The following GPR183 variants were observed in gnomAD, a reference collection of about 807,000 sequenced individuals.
GPR183 encodes G protein-coupled receptor 183, also known as EBV-induced G-protein coupled receptor 2.
A neutral mutation model predicts 19.7 loss-of-function variants in GPR183; 9 were observed. The ratio of observed to expected loss-of-function variants is 0.46; its 90% confidence interval spans 0.28 to 0.80. GPR183 has a LOEUF of 0.80. GPR183 is among the 30% of genes least tolerant of loss of function. The probability of loss-of-function intolerance (pLI) is 0.13; values close to 1 mark genes in which losing one functional copy is unlikely to be tolerated. For synonymous variants in GPR183, 160 were observed against 155.1 expected, an observed-to-expected ratio of 1.03 and a Z score of -0.24; for missense variants, 368 against 446.7, an observed-to-expected ratio of 0.82 and a Z score of 1.59.
intron 1 of GPR183, among the ~76,000 whole-genome samples, chr13:99,298,796 G>A (rs976224315): frequency 6.6e-6 from 1 of 152,170 alleles, no homozygotes; most frequent in Non-Finnish European, 1.5e-5. Context: ...GTGAAAAGCA[G>A]CTTTTCAGGA....
At chr13:99,306,557 C>A (rs571886752) in intron 1 of GPR183, among the ~76,000 whole-genome samples, 1 of 152,254 alleles carries the variant, frequency 6.6e-6, no homozygotes, top group South Asian at 2.1e-4. Flanking sequence ...ATAAAACCCT[C>A]ACTGCCCTTT....
chr13:99,298,023 C>T (rs897751505), intron 1 of GPR183, among the ~76,000 whole-genome samples: 3 of 151,996 alleles, frequency 2.0e-5, no homozygotes, highest in African/African-American at 7.2e-5. Context: ...TTAAAAAGAA[C>T]AGTCTACAAA....
At position 99,294,881 on chromosome 13, in the gene GPR183, G is replaced by A. The variant is rs1226178920; in HGVS notation, c.*179C>T. 3 of 561,024 alleles carry A rather than the reference G, an allele frequency of 5.3e-6. No homozygotes were observed. The highest frequency in any genetic ancestry group is 3.8e-5 in the African/African-American group (2 of 52,454). 34.8% of individuals were successfully genotyped at this position (561,024 alleles called of 1,614,324 possible). A position where few individuals can be genotyped will look rare whatever the true frequency, so the allele number is the denominator to read the frequency against. On this transcript the variant is annotated 3_prime_UTR_variant, in exon 2 of 2. Coordinates refer to ENST00000376414, the MANE Select transcript of GPR183 (RefSeq NM_004951.5). Reference sequence around the variant, plus strand: ...TATTTGCATTTTTATTGTGCTTTATGTTGTTTGCTTTATGTTGTTCTCTTG... The same window carrying A: ...TATTTGCATTTTTATTGTGCTTTATATTGTTTGCTTTATGTTGTTCTCTTG...
chr13:99,305,572 T>C (rs997636331), intron 1 of GPR183, among the ~76,000 whole-genome samples: 21 of 152,202 alleles, frequency 1.4e-4, no homozygotes, highest in African/African-American at 5.1e-4. Context: ...ATCTAGTAAA[T>C]ATCTATAGAA....
At position 99,295,139 on chromosome 13, in the gene GPR183, T is replaced by C; in HGVS notation, c.1007A>G (p.Lys336Arg). ...ACGTGAATTTTCTTCAGGGGCTGAC[T>C]TCACAGCACTAGAAATCGATACACT... ...QVSVSISSAV[K>R]SAPEENSREM... Residue 336 changes from lysine (K) to arginine (R), a missense_variant, in exon 2 of 2, where the codon AAG becomes AGG. Transcript: ENST00000376414. The surrounding 1 kb of genome is among the most constrained non-coding windows in gnomAD (Gnocchi z 4.1). 1 of 1,614,160 alleles carries C rather than the reference T, an allele frequency of 6.2e-7. No individual in the cohort carries two copies. Among genetic ancestry groups the C allele is most frequent in the Non-Finnish European group, 8.5e-7 (1 of 1,180,006 alleles).
chr13:99,306,112 T>C lies in GPR183; in HGVS notation c.-19+1228A>G, dbSNP rs368965405. Among the ~76,000 whole-genome samples, 5 of 152,238 alleles carry C rather than the reference T, an allele frequency of 3.3e-5. No individual in the cohort carries two copies. In the South Asian group the frequency reaches 6.2e-4, roughly 19 times the overall value. ...GGTTTCACCATGTTGGCCAGGCTGG[T>C]CTCGAACTCCTGATCTCAGGTGATC... On this transcript the variant is annotated intron_variant, in intron 1 of 1. Coordinates refer to ENST00000376414, the MANE Select transcript of GPR183 (RefSeq NM_004951.5).
At chr13:99,298,925 A>T in intron 1 of GPR183, among the ~76,000 whole-genome samples, 1 of 152,176 alleles carries the variant, frequency 6.6e-6, no homozygotes. Context: ...TTTTTTTCTA[A>T]GTTCTTTGAA....
At chr13:99,301,058 A>G (rs2044250462) in intron 1 of GPR183, among the ~76,000 whole-genome samples, 1 of 152,240 alleles carries the variant, frequency 6.6e-6, no homozygotes, top group Non-Finnish European at 1.5e-5. Context: ...GCCCAAAGAA[A>G]TGTTAGTTCT....
chr13:99,299,427 T>C (rs1244029945), intron 1 of GPR183, among the ~76,000 whole-genome samples: 1 of 151,930 alleles, frequency 6.6e-6, no homozygotes, highest in Non-Finnish European at 1.5e-5. Context: ...CATGCCACTT[T>C]TTTGGGAGGT....
At chr13:99,298,537 A>G (rs944830373) in intron 1 of GPR183, among the ~76,000 whole-genome samples, 1 of 152,206 alleles carries the variant, frequency 6.6e-6, no homozygotes, top group Non-Finnish European at 1.5e-5. Flanking sequence ...TATTTAAAAA[A>G]GGAAAGATTT....
chr13:99,302,306 A>G (rs1388448903), intron 1 of GPR183, among the ~76,000 whole-genome samples: 1 of 152,222 alleles, frequency 6.6e-6, no homozygotes, highest in Non-Finnish European at 1.5e-5. Flanking sequence ...AAATAAAATC[A>G]TTGGAAAGGA....
Position 99,295,217 on chromosome 13 carries a change from A to C in GPR183, c.929T>G (p.Phe310Cys). ...NCCMDPFIYF[F>C]ACKGYKRKVM... ...CTTTCTCTTATACCCTTTACATGCA[A>C]AGAAGTAGATAAAAGGGTCCATGCA... is the stretch of plus-strand genomic sequence containing the variant. The change falls in exon 2 of 2, where the codon TTT becomes TGT. Residue 310 changes from phenylalanine (F) to cysteine (C), a missense_variant. Physicochemically the swap from Phe to Cys is radical, Grantham distance 205. Transcript: ENST00000376414. This position sits in a 1 kb window ranked among gnomAD's most constrained non-coding sequence, Gnocchi z 4.1. 2 of 1,614,134 alleles carry C rather than the reference A, an allele frequency of 1.2e-6. No homozygotes were observed. The highest frequency in any genetic ancestry group is 1.7e-6 in the Non-Finnish European group (2 of 1,180,010).
chr13:99,302,644 G>A (rs1401743760), intron 1 of GPR183, among the ~76,000 whole-genome samples: 1 of 152,176 alleles, frequency 6.6e-6, no homozygotes, highest in Non-Finnish European at 1.5e-5. Flanking sequence ...CATCATCTGA[G>A]GGATTATGGG....
At chr13:99,299,573 A>AATGTTC (rs1405796041) in intron 1 of GPR183, among the ~76,000 whole-genome samples, 1 of 152,204 alleles carries the variant, frequency 6.6e-6, no homozygotes, top group Non-Finnish European at 1.5e-5. Context: ...TTCTATTCAG[A>AATGTTC]ATGTTCATTT....
chr13:99,305,100 A>G (rs950718080), intron 1 of GPR183, among the ~76,000 whole-genome samples: 1 of 152,262 alleles, frequency 6.6e-6, no homozygotes, highest in Admixed American at 6.5e-5. Context: ...TAATAATAAA[A>G]CAATTTAGAC....
chr13:99,300,693 T>A (rs1310352357), intron 1 of GPR183, among the ~76,000 whole-genome samples: 1 of 152,236 alleles, frequency 6.6e-6, no homozygotes, highest in Non-Finnish European at 1.5e-5. Flanking sequence ...GGTACCTTTT[T>A]GTATTAGAGG....
intron 1 of GPR183, among the ~76,000 whole-genome samples, chr13:99,301,048 G>A (rs1335767655): frequency 6.6e-6 from 1 of 152,174 alleles, no homozygotes; most frequent in African/African-American, 2.4e-5. Flanking sequence ...CTAGGGAAAA[G>A]CCCAAAGAAA....
intron 1 of GPR183, among the ~76,000 whole-genome samples, chr13:99,307,022 T>C (rs2044346690): frequency 6.6e-6 from 1 of 152,232 alleles, no homozygotes; most frequent in East Asian, 1.9e-4. Flanking sequence ...TCCTGAAATA[T>C]TGGCATTATT....
chr13:99,297,874 T>G (rs2044200063), intron 1 of GPR183, among the ~76,000 whole-genome samples: 1 of 150,842 alleles, frequency 6.6e-6, no homozygotes, highest in Non-Finnish European at 1.5e-5. Flanking sequence ...TAAAGAAAGG[T>G]TGAGAATAAA....
Sources: gnomAD v4.1 joint callset for allele counts (sites outside exome capture counted in the v4.1 genomes callset) on GRCh38, gnomAD v4.1.1 for gene constraint, Gnocchi (gnomAD v3.1) non-coding constraint, MANE v1.5 for transcripts, NCBI Gene and HGNC (gene_info 2026-07-23, HGNC 2026-07-21) for gene names.